Variants in ADCY3 observed in about 807,000 individuals in gnomAD.
ADCY3 encodes the protein adenylate cyclase type 3.
ADCY3 carries 70 observed loss-of-function variants against 119.4 expected under a neutral mutation model. The observed-to-expected ratio is 0.59, with a 90% CI of 0.48 to 0.72. ADCY3 has a LOEUF of 0.72. ADCY3 is among the 30% of genes least tolerant of loss of function. ADCY3 has a pLI of 0.00. For synonymous variants in ADCY3, 672 were observed against 621.4 expected, an observed-to-expected ratio of 1.08 and a Z score of -1.21; for missense variants, 1,238 against 1,541.6, an observed-to-expected ratio of 0.80 and a Z score of 3.30.
chr2:24,836,934 C>T lies in ADCY3; in HGVS notation c.1645G>A (p.Glu549Lys), dbSNP rs549867892. The T allele has an allele frequency of 4.2e-5, 68 of 1,613,028 alleles. No individual in the cohort carries two copies. The highest frequency in any genetic ancestry group is 1.1e-4 in the South Asian group (10 of 91,006). Residue 549 changes from glutamate to lysine, a missense_variant, in exon 9 of 22, where the codon GAG (glutamate) becomes AAG (lysine). Glu to Lys is a moderately conservative substitution (Grantham distance 56). Around this residue, in one of 7 missense-constraint regions of ADCY3, gnomAD observed 499 missense variants for 571.0 expected, o/e 0.87. Transcript: ENST00000679454. ...GCACATACCTGGGCATCCTGCTCCT[C>T]GGGCTTCTCCGACGTGGACCCACTG... is the stretch of plus-strand genomic sequence containing the variant. ...HSSGSTSEKP[E>K]EQDAQADNPS... is the part of the protein sequence containing the mutation.
intron 8 of ADCY3, 117 bp downstream of exon 8, chr2:24,838,328 C>T (rs1670552614): frequency 9.2e-7 from 1 of 1,084,048 alleles, no homozygotes; most frequent in South Asian, 1.5e-5. Flanking sequence ...CCTCTCACAG[C>T]CAGCCACTGC....
chr2:24,906,648 G>T (rs114977199), intron 2 of ADCY3, among the ~76,000 whole-genome samples: 2 of 152,212 alleles, frequency 1.3e-5, no homozygotes. Flanking sequence ...CATGCCATGC[G>T]CTTTGCTCAG....
At chr2:24,888,501 C>G (rs1572998310) in intron 2 of ADCY3, among the ~76,000 whole-genome samples, 1 of 152,214 alleles carries the variant, frequency 6.6e-6, no homozygotes, top group Non-Finnish European at 1.5e-5. Flanking sequence ...ACCTTCACAC[C>G]ATTAGTCAAC....
intron 9 of ADCY3, 122 bp downstream of exon 9, chr2:24,836,795 G>A (rs1261860233): frequency 1.4e-6 from 2 of 1,402,530 alleles, no homozygotes; most frequent in East Asian, 4.8e-5. Flanking sequence ...CTAAGCAGGA[G>A]CAGGTCCTGG....
intron 3 of ADCY3, among the ~76,000 whole-genome samples, chr2:24,862,164 G>C (rs888003901): frequency 7.9e-5 from 12 of 151,490 alleles, no homozygotes; most frequent in Middle Eastern, 3.2e-3. Flanking sequence ...GCATAGGACT[G>C]TGGGACTGTG....
chr2:24,914,639 C>T (rs551295777), intron 2 of ADCY3, among the ~76,000 whole-genome samples: 328 of 149,590 alleles, frequency 2.2e-3, no homozygotes, highest in Non-Finnish European at 2.6e-3. Flanking sequence ...TGTGCCATTG[C>T]ACTCCAGCCT....
chr2:24,865,235 AG>A lies in ADCY3; in HGVS notation c.825+7334del, dbSNP rs577914578. 6.3e-3 allele frequency among the ~76,000 whole-genome samples: 963 copies of A among 152,250 alleles called. 11 individuals carry two copies. The highest frequency in any genetic ancestry group is 0.021 in the African/African-American group (870 of 41,544). ...CGAGGCGGGCAGATCACTTTAGGTAAGGAGTTCAAGACCAGCCTGGCCAACG... is the reference window on the plus strand; with the variant it reads ...CGAGGCGGGCAGATCACTTTAGGTAAGAGTTCAAGACCAGCCTGGCCAACG... On this transcript the variant is annotated intron_variant, in intron 3 of 21. Coordinates refer to ENST00000679454, the MANE Select transcript of ADCY3 (RefSeq NM_004036.5).
intron 3 of ADCY3, among the ~76,000 whole-genome samples, chr2:24,845,347 G>A (rs1671541640): frequency 1.3e-5 from 2 of 152,218 alleles, no homozygotes; most frequent in African/African-American, 4.8e-5. Context: ...TGACAAAAAT[G>A]CTGTTAGTGA....
chr2:24,828,174 A>G lies in ADCY3; in HGVS notation c.2173-13T>C. 6.2e-7 allele frequency: 1 copy of G among 1,611,970 alleles called. No individual in the cohort carries two copies. The highest frequency in any genetic ancestry group is 2.2e-5 in the East Asian group (1 of 44,840). On this transcript the variant is annotated splice_polypyrimidine_tract_variant and intron_variant, in intron 13 of 21. Transcript: ENST00000679454. ...GGAGACAGCTGAGCTGGAGGCCAGG[A>G]CGGCGGGCAGGGACACACGTTCAAG...
intron 12 of ADCY3, 68 bp downstream of exon 12, chr2:24,831,594 G>T: frequency 8.1e-7 from 1 of 1,232,306 alleles, no homozygotes; most frequent in Non-Finnish European, 1.2e-6. Flanking sequence ...CTCCATCACT[G>T]CCCAGTTTTA....
intron 2 of ADCY3, among the ~76,000 whole-genome samples, chr2:24,912,241 C>T (rs1224434790): frequency 6.6e-6 from 1 of 151,158 alleles, no homozygotes; most frequent in African/African-American, 2.4e-5. Flanking sequence ...GGTGGGTGAA[C>T]CGCCTGAGCT....
intron 12 of ADCY3, 115 bp downstream of exon 12, chr2:24,831,547 A>C: frequency 1.2e-6 from 1 of 823,690 alleles, no homozygotes; most frequent in Non-Finnish European, 2.0e-6. Context: ...GTCCTAACAG[A>C]GGAGTGTCTG....
At chr2:24,823,770 C>A (rs931210354) in intron 17 of ADCY3, among the ~76,000 whole-genome samples, 20 of 150,792 alleles carry the variant, frequency 1.3e-4, no homozygotes, top group Non-Finnish European at 2.9e-5. Flanking sequence ...CAGCTCACTG[C>A]AACCTCCACC....
chr2:24,902,756 G>A (rs986664623), intron 2 of ADCY3, among the ~76,000 whole-genome samples: 2 of 152,116 alleles, frequency 1.3e-5, no homozygotes, highest in Non-Finnish European at 2.9e-5. Flanking sequence ...CTGGCCAGGC[G>A]CAGTGGCTCG....
At chr2:24,862,345 G>C (rs933300292) in intron 3 of ADCY3, among the ~76,000 whole-genome samples, 2 of 152,184 alleles carry the variant, frequency 1.3e-5, no homozygotes, top group Non-Finnish European at 2.9e-5. Flanking sequence ...AGGAGATCGA[G>C]ACCATCCTGG....
intron 9 of ADCY3, among the ~76,000 whole-genome samples, chr2:24,835,716 A>C (rs961342417): frequency 3.3e-5 from 5 of 152,122 alleles, no homozygotes; most frequent in African/African-American, 9.7e-5. Context: ...TGGGTGGATC[A>C]CTTGAGGTCA....
In ADCY3 at chr2:24,899,230, G is replaced by T. The variant is rs1327938851; in HGVS notation, c.675+19083C>A. Among the ~76,000 whole-genome samples the T allele has an allele frequency of 1.3e-5, 2 of 152,080 alleles. No homozygotes were observed. Among genetic ancestry groups the T allele is most frequent in the African/African-American group, 4.8e-5 (2 of 41,400 alleles). On this transcript the variant is annotated intron_variant, in intron 2 of 21. Transcript: ENST00000679454. The surrounding 1 kb of genome is among the most constrained non-coding windows in gnomAD (Gnocchi z 4.5). ...CCAGGGCCCCAGGCATCCAACTCTG[G>T]GCCACGCTTCCCTCCTCCTGGCACA...
chr2:24,912,017 C>G (rs529704268), intron 2 of ADCY3, among the ~76,000 whole-genome samples: 1 of 152,294 alleles, frequency 6.6e-6, no homozygotes, highest in East Asian at 1.9e-4. Flanking sequence ...TGCCTCTTGC[C>G]AGAAGGCACT....
intron 3 of ADCY3, among the ~76,000 whole-genome samples, chr2:24,854,548 C>T (rs769419253): frequency 2.6e-5 from 4 of 152,276 alleles, no homozygotes; most frequent in East Asian, 1.9e-4. Flanking sequence ...GTGTGGCTGG[C>T]GTGTCACTGG....
Sources: allele counts gnomAD v4.1 joint callset (sites outside exome capture counted in the v4.1 genomes callset), GRCh38; gene constraint gnomAD v4.1.1; regional missense constraint gnomAD v4.1.1; non-coding constraint Gnocchi (gnomAD v3.1); transcripts MANE v1.5; gene names NCBI Gene and HGNC (gene_info 2026-07-23, HGNC 2026-07-21).